ARHGAP6: variants seen among roughly 807,000 people sequenced by gnomAD.
ARHGAP6 encodes rho GTPase-activating protein 6.
In ARHGAP6, 16 loss-of-function variants were observed where a neutral mutation model predicts 55.7. The observed-to-expected ratio is 0.29, with a 90% CI of 0.19 to 0.44. The LOEUF (loss-of-function observed/expected upper bound fraction) is 0.44. ARHGAP6 is among the 20% of genes least tolerant of loss of function. The pLI is 1.00. For synonymous variants in ARHGAP6, 382 were observed against 360.9 expected, an observed-to-expected ratio of 1.06 and a Z score of -0.66; for missense variants, 698 against 808.9, an observed-to-expected ratio of 0.86 and a Z score of 1.66.
chrX:11,366,734 T>G (rs1400061252), intron 1 of ARHGAP6, among the ~76,000 whole-genome samples: 1 of 112,099 alleles, frequency 8.9e-6, no homozygotes, highest in East Asian at 2.8e-4. Context: ...TGTTCAGTTT[T>G]CACAAGGGCT....
chrX:11,390,603 A>C (rs993270372), intron 1 of ARHGAP6, among the ~76,000 whole-genome samples: 10 of 111,813 alleles, frequency 8.9e-5, no homozygotes, highest in South Asian at 3.8e-4. Flanking sequence ...CAATGAACTC[A>C]AACAAATTTA....
intron 10 of ARHGAP6, among the ~76,000 whole-genome samples, chrX:11,154,663 G>A (rs1349283683): frequency 8.9e-6 from 1 of 111,919 alleles, no homozygotes. Context: ...CTCATAAATG[G>A]AAATGCCAGC....
intron 1 of ARHGAP6, among the ~76,000 whole-genome samples, chrX:11,412,720 C>T (rs1307942478): frequency 8.9e-6 from 1 of 111,876 alleles, no homozygotes. Context: ...GGAGAGAATT[C>T]GTACCATGGT....
At chrX:11,492,789 CAA>C (rs2050584242) in intron 1 of ARHGAP6, among the ~76,000 whole-genome samples, 1 of 112,318 alleles carries the variant, frequency 8.9e-6, no homozygotes, top group South Asian at 3.7e-4. Context: ...TTCTTGTATA[CAA>C]TAGAATTGTA....
intron 1 of ARHGAP6, among the ~76,000 whole-genome samples, chrX:11,411,007 G>A (rs1404429896): frequency 9.4e-6 from 1 of 105,897 alleles, no homozygotes; most frequent in Admixed American, 1.0e-4. Context: ...GTTGTTTTTA[G>A]TAGAACCTCT....
At chrX:11,195,385 G>T (rs930468875) in intron 3 of ARHGAP6, among the ~76,000 whole-genome samples, 1 of 109,748 alleles carries the variant, frequency 9.1e-6, no homozygotes, top group South Asian at 4.0e-4. Context: ...ATTGGACTGC[G>T]TCAATGGGGC....
intron 1 of ARHGAP6, among the ~76,000 whole-genome samples, chrX:11,454,105 G>A (rs1025127962): frequency 1.0e-5 from 1 of 96,669 alleles, no homozygotes; most frequent in Non-Finnish European, 2.0e-5. Flanking sequence ...CACCACGCAC[G>A]GCTAATTTTT....
intron 2 of ARHGAP6, among the ~76,000 whole-genome samples, chrX:11,228,203 A>G (rs1446224361): frequency 2.7e-5 from 3 of 112,049 alleles, no homozygotes; most frequent in Admixed American, 9.5e-5. Context: ...ATTCCATGAT[A>G]TAAGACTGAC....
intron 1 of ARHGAP6, among the ~76,000 whole-genome samples, chrX:11,311,577 G>C: frequency 9.0e-6 from 1 of 111,058 alleles, no homozygotes. Context: ...TTCTGGGTTT[G>C]TCTTAAAAAT....
intron 1 of ARHGAP6, among the ~76,000 whole-genome samples, chrX:11,264,843 T>A (rs2047604185): frequency 8.9e-6 from 1 of 112,181 alleles, no homozygotes; most frequent in Admixed American, 9.5e-5. Flanking sequence ...TTATATTATC[T>A]CATTTAATTC....
intron 2 of ARHGAP6, among the ~76,000 whole-genome samples, chrX:11,213,725 G>A (rs1452915560): frequency 1.8e-5 from 2 of 111,737 alleles, no homozygotes; most frequent in Non-Finnish European, 3.8e-5. Flanking sequence ...AGAGTGGAAA[G>A]ATAGACACTG....
chrX:11,492,392 A>G (rs1253019432), intron 1 of ARHGAP6, among the ~76,000 whole-genome samples: 1 of 111,873 alleles, frequency 8.9e-6, no homozygotes, highest in Non-Finnish European at 1.9e-5. Flanking sequence ...GAAACCAAAC[A>G]TTCTATATCA....
intron 1 of ARHGAP6, among the ~76,000 whole-genome samples, chrX:11,390,590 C>T (rs1165929137): frequency 4.0e-4 from 44 of 111,354 alleles, no homozygotes; most frequent in African/African-American, 1.4e-3. Context: ...TATCCAGAAT[C>T]TACAATGAAC....
At chrX:11,227,678 C>T (rs1044899077) in intron 2 of ARHGAP6, among the ~76,000 whole-genome samples, 1 of 110,997 alleles carries the variant, frequency 9.0e-6, no homozygotes, top group African/African-American at 3.3e-5. Flanking sequence ...GTTTTGCCAC[C>T]CTCTGTCTTT....
intron 2 of ARHGAP6, among the ~76,000 whole-genome samples, chrX:11,207,173 T>C (rs1667767855): frequency 9.3e-6 from 1 of 107,242 alleles, no homozygotes; most frequent in South Asian, 4.1e-4. Flanking sequence ...CTCACTGTAC[T>C]CGTTGTTATT....
chrX:11,175,387 T>C (rs66887330), intron 8 of ARHGAP6, among the ~76,000 whole-genome samples: 15,974 of 111,615 alleles, frequency 0.14, 1,001 homozygotes, highest in Middle Eastern at 0.27. Flanking sequence ...TTTGATGCAA[T>C]GTTCAGGTCA....
intron 1 of ARHGAP6, among the ~76,000 whole-genome samples, chrX:11,396,301 C>A (rs1255777059): frequency 9.1e-6 from 1 of 109,831 alleles, no homozygotes; most frequent in Non-Finnish European, 1.9e-5. Flanking sequence ...GAAGACACTT[C>A]CCTGATGGTC....
intron 1 of ARHGAP6, among the ~76,000 whole-genome samples, chrX:11,359,957 A>G (rs1352151877): frequency 8.9e-6 from 1 of 111,889 alleles, no homozygotes; most frequent in East Asian, 2.8e-4. Flanking sequence ...CTAAACCAGG[A>G]AGAAGTTGAA....
rs1326947821 is a variant in ARHGAP6, at chrX:11,179,432, A to G, written c.1350T>C (p.Arg450=). ...RVRQLREEFD[R]GIDVSLEEEH... ...CCTCCTCCAGAGAGACATCAATCCC[A>G]CGGTCAAATTCCTCACGTAACTGGA... Residue 450 remains arginine, a synonymous_variant, in exon 7 of 13, where the codon CGT becomes CGC. Transcript: ENST00000337414. 1 of 1,209,079 alleles carries G rather than the reference A, an allele frequency of 8.3e-7. No individual in the cohort carries two copies. Among genetic ancestry groups the G allele is most frequent in the Admixed American group, 2.2e-5 (1 of 45,651 alleles).
Sources: gnomAD v4.1 joint callset for allele counts (sites outside exome capture counted in the v4.1 genomes callset) on GRCh38, gnomAD v4.1.1 for gene constraint, MANE v1.5 for transcripts, NCBI Gene and HGNC (gene_info 2026-07-23, HGNC 2026-07-21) for gene names.